RABEP1: variants seen among roughly 807,000 people sequenced by gnomAD.
The protein encoded by RABEP1 is rabaptin, RAB GTPase binding effector protein 1, also known as rab GTPase-binding effector protein 1.
In RABEP1, 51 loss-of-function variants were observed where a neutral mutation model predicts 123.4. That is an observed-to-expected ratio of 0.41 (90% CI 0.33 to 0.52). The LOEUF (loss-of-function observed/expected upper bound fraction) is 0.52, where lower values mean the gene tolerates loss of function less well. Ranked by LOEUF, RABEP1 falls within the 20% of genes least tolerant of loss-of-function variation. The pLI is 0.16. For synonymous variants in RABEP1, 347 were observed against 355.2 expected (o/e 0.98, Z 0.26); for missense variants, 888 against 996.3 (o/e 0.89, Z 1.46).
At chr17:5,299,785 A>C (rs1197459134) in intron 1 of RABEP1, among the ~76,000 whole-genome samples, 1 of 128,590 alleles carries the variant, frequency 7.8e-6, no homozygotes, top group Admixed American at 9.3e-5. Context: ...GCTGGAGTGC[A>C]ATGGCGTGAT....
chr17:5,318,401 A>G (rs2075319227), intron 2 of RABEP1, among the ~76,000 whole-genome samples: 1 of 152,164 alleles, frequency 6.6e-6, no homozygotes, highest in African/African-American at 2.4e-5. Flanking sequence ...AGTTGTTACA[A>G]AAAAGTACAG....
intron 2 of RABEP1, among the ~76,000 whole-genome samples, chr17:5,329,051 A>T (rs1906265452): frequency 8.1e-6 from 1 of 123,796 alleles, no homozygotes; most frequent in African/African-American, 3.2e-5. Context: ...TCAATTGGAG[A>T]AGTTTTACCA....
chr17:5,302,591 CTTTTT>C (rs546960637), intron 1 of RABEP1, among the ~76,000 whole-genome samples: 1 of 123,384 alleles, frequency 8.1e-6, no homozygotes, highest in African/African-American at 3.1e-5. Context: ...ATTTTTTAGA[CTTTTT>C]TTTTTTTTTT....
Position 5,383,117 on chromosome 17 carries a change from T to C in RABEP1, c.2488-5T>C, listed in dbSNP as rs144411871. On this transcript the variant is annotated splice_region_variant and splice_polypyrimidine_tract_variant and intron_variant, in intron 17 of 17. Transcript: ENST00000537505. Reference sequence around the variant, plus strand: ...CCTGTAGTTATCTCACCATTGTTTCTCCAGGTGCAGTTAGAGCGGATCCGG... The same window carrying C: ...CCTGTAGTTATCTCACCATTGTTTCCCCAGGTGCAGTTAGAGCGGATCCGG... The C allele has an allele frequency of 2.9e-5, 46 of 1,613,638 alleles. 1 individual carries two copies. The Middle Eastern group carries it at 1.2e-3, about 40-fold the overall frequency.
chr17:5,311,871 T>G (rs572351123), intron 2 of RABEP1, among the ~76,000 whole-genome samples: 2 of 152,342 alleles, frequency 1.3e-5, no homozygotes, highest in Non-Finnish European at 2.9e-5. Context: ...TAGTTTTATT[T>G]TTTTAAACAT....
intron 11 of RABEP1, among the ~76,000 whole-genome samples, chr17:5,366,794 A>G (rs1910032002): frequency 6.6e-6 from 1 of 151,316 alleles, no homozygotes; most frequent in Admixed American, 6.6e-5. Flanking sequence ...GTCCTTAATA[A>G]TGTAGTCAAA....
chr17:5,363,549 T>A (rs62075139), intron 10 of RABEP1, among the ~76,000 whole-genome samples: 69,598 of 151,838 alleles, frequency 0.46, 17,221 homozygotes, highest in African/African-American at 0.66. Flanking sequence ...TGCACAGGTC[T>A]GCCCAACTCT....
At chr17:5,346,430 C>G (rs1908068007) in intron 5 of RABEP1, among the ~76,000 whole-genome samples, 1 of 152,256 alleles carries the variant, frequency 6.6e-6, no homozygotes, top group East Asian at 1.9e-4. Flanking sequence ...AAATTAACTA[C>G]CGATTTAAAA....
At chr17:5,284,490 G>C (rs2074958529) in intron 1 of RABEP1, among the ~76,000 whole-genome samples, 1 of 151,076 alleles carries the variant, frequency 6.6e-6, no homozygotes, top group Admixed American at 6.6e-5. Context: ...CTTTGAGACA[G>C]TATCTCACTC....
chr17:5,304,043 A>AT (rs201966864), intron 1 of RABEP1, among the ~76,000 whole-genome samples: 6,257 of 140,918 alleles, frequency 0.044, 161 homozygotes, highest in African/African-American at 0.078. Flanking sequence ...TCAAAAAAAA[A>AT]AAATAAATAA....
Position 5,361,417 on chromosome 17 carries a change from C to T in RABEP1, c.1305C>T (p.Asp435=), listed in dbSNP as rs1196144461. 19 of 1,614,006 alleles carry T rather than the reference C, an allele frequency of 1.2e-5. No homozygotes were observed. The highest frequency in any genetic ancestry group is 5.3e-5 in the African/African-American group (4 of 74,914). ...NYKAKSAGNL[D]ESDFGPLVGA... ...AAGCAAAATCTGCTGGAAACCTGGA[C>T]GAGTCAGATTTTGGACCACTGGTAG... The change falls in exon 9 of 18, where the codon GAC becomes GAT. Residue 435 remains aspartate, a synonymous_variant. Coordinates refer to ENST00000537505, the MANE Select transcript of RABEP1 (RefSeq NM_004703.6).
chr17:5,358,997 A>G (rs1335092838), intron 8 of RABEP1, among the ~76,000 whole-genome samples: 1 of 151,718 alleles, frequency 6.6e-6, no homozygotes, highest in African/African-American at 2.4e-5. Context: ...CCTGGGCTCA[A>G]CCTATCCTCC....
chr17:5,355,090 G>A (rs1482047543), intron 8 of RABEP1, among the ~76,000 whole-genome samples: 3 of 152,142 alleles, frequency 2.0e-5, no homozygotes, highest in Non-Finnish European at 2.9e-5. Flanking sequence ...ATTCCACTGC[G>A]TCCTCAGCAT....
intron 16 of RABEP1, 107 bp from the exon 17 acceptor site, chr17:5,381,282 T>G (rs1314375722): frequency 2.7e-6 from 4 of 1,500,290 alleles, no homozygotes; most frequent in Non-Finnish European, 3.6e-6. Context: ...GTGCGACGGA[T>G]ATCCACCCAC....
intron 1 of RABEP1, among the ~76,000 whole-genome samples, chr17:5,290,848 G>T (rs1000314290): frequency 6.6e-6 from 1 of 152,000 alleles, no homozygotes; most frequent in East Asian, 1.9e-4. Flanking sequence ...TGCCCACCTC[G>T]GCCTACAAAG....
chr17:5,291,569 G>A (rs375631281), intron 1 of RABEP1, among the ~76,000 whole-genome samples: 12 of 152,142 alleles, frequency 7.9e-5, no homozygotes, highest in East Asian at 5.8e-4. Context: ...GTTATGATGT[G>A]AACAGTTTCC....
intron 8 of RABEP1, among the ~76,000 whole-genome samples, chr17:5,358,347 T>C (rs1384543169): frequency 6.6e-6 from 1 of 152,206 alleles, no homozygotes; most frequent in Non-Finnish European, 1.5e-5. Flanking sequence ...GATTTTATTT[T>C]ATTTTATTTT....
chr17:5,368,537 C>G, intron 12 of RABEP1, 69 bp downstream of exon 12: 1 of 1,112,598 alleles, frequency 9.0e-7, no homozygotes, highest in South Asian at 1.3e-5. Context: ...ATCTTGACAT[C>G]ATCTTTGATA....
intron 6 of RABEP1, among the ~76,000 whole-genome samples, chr17:5,350,107 G>A (rs887309640): frequency 6.6e-6 from 1 of 152,238 alleles, no homozygotes. Context: ...TTGGCCGGGC[G>A]CGGTGGCTCA....
Sources: allele counts gnomAD v4.1 joint callset (sites outside exome capture counted in the v4.1 genomes callset), GRCh38; gene constraint gnomAD v4.1.1; transcripts MANE v1.5; gene names NCBI Gene and HGNC (gene_info 2026-07-23, HGNC 2026-07-21).